The following PCP4 variants were observed in gnomAD, a reference collection of about 807,000 sequenced individuals.
PCP4 encodes calmodulin regulator protein PCP4.
Under a neutral mutation model 10.0 loss-of-function variants are expected in PCP4, and 8 were observed. The observed-to-expected ratio is 0.80, with a 90% confidence interval of 0.47 to 1.45. PCP4 has a LOEUF of 1.45. Ranked by LOEUF, PCP4 falls within the 40% of genes most tolerant of loss-of-function variation. The pLI is 0.00. For missense variants in PCP4, 54 were observed against 74.4 expected (o/e 0.73, Z 1.01); for synonymous variants, 21 against 23.0 (o/e 0.91, Z 0.24).
At chr21:39,918,023 G>A (rs918066657) in intron 2 of PCP4, among the ~76,000 whole-genome samples, 3 of 152,116 alleles carry the variant, frequency 2.0e-5, no homozygotes, top group African/African-American at 7.2e-5. Context: ...GAGGTCTTAG[G>A]AGGAACCTGC....
chr21:39,885,888 G>A (rs934928416), intron 1 of PCP4, among the ~76,000 whole-genome samples: 11 of 152,232 alleles, frequency 7.2e-5, no homozygotes, highest in Admixed American at 7.2e-4. Context: ...TTCTCTTATA[G>A]TTCTGGAGAC....
intron 2 of PCP4, among the ~76,000 whole-genome samples, chr21:39,926,564 G>C (rs2087622254): frequency 6.6e-6 from 1 of 152,130 alleles, no homozygotes; most frequent in African/African-American, 2.4e-5. Context: ...GGGAGTAGAA[G>C]GATTTGGGAC....
chr21:39,893,250 A>G (rs894928961), intron 1 of PCP4, among the ~76,000 whole-genome samples: 12 of 152,312 alleles, frequency 7.9e-5, no homozygotes, highest in African/African-American at 2.6e-4. Flanking sequence ...ACTTTCCTGC[A>G]GATCTTGGTG....
chr21:39,915,722 T>C (rs1254563991), intron 2 of PCP4, among the ~76,000 whole-genome samples: 1 of 152,076 alleles, frequency 6.6e-6, no homozygotes, highest in East Asian at 1.9e-4. Context: ...AGGGAAAAAA[T>C]GGGCAAGGGG....
intron 1 of PCP4, among the ~76,000 whole-genome samples, chr21:39,888,895 TA>T (rs2087414807): frequency 6.6e-6 from 1 of 152,226 alleles, no homozygotes; most frequent in Non-Finnish European, 1.5e-5. Context: ...TGCACATTGG[TA>T]AAGGTACCTA....
chr21:39,929,123 C>T lies in PCP4; in HGVS notation c.*12C>T, dbSNP rs752493874. ...GGTCTCAGTCCTAGTGGGAGAACCC[C>T]CTCCTAGTCCACCTGAAAACACCAA... On this transcript the variant is annotated 3_prime_UTR_variant, in exon 3 of 3. Coordinates refer to ENST00000328619, the MANE Select transcript of PCP4 (RefSeq NM_006198.3). 11 of 1,602,702 alleles carry T rather than the reference C, an allele frequency of 6.9e-6. No homozygotes were observed. Among genetic ancestry groups the T allele is most frequent in the South Asian group, 1.1e-5 (1 of 89,110 alleles).
At chr21:39,918,729 C>T (rs928277449) in intron 2 of PCP4, among the ~76,000 whole-genome samples, 10 of 152,148 alleles carry the variant, frequency 6.6e-5, no homozygotes, top group African/African-American at 2.4e-4. Context: ...TTCTCCGCAC[C>T]AGCAGCCCCC....
intron 1 of PCP4, among the ~76,000 whole-genome samples, chr21:39,875,034 T>C (rs973671337): frequency 6.6e-6 from 1 of 152,210 alleles, no homozygotes; most frequent in Non-Finnish European, 1.5e-5. Flanking sequence ...TTTCTGGGAT[T>C]TTCCATTGAA....
chr21:39,893,380 T>A (rs2087442395), intron 1 of PCP4, among the ~76,000 whole-genome samples: 1 of 152,224 alleles, frequency 6.6e-6, no homozygotes, highest in Non-Finnish European at 1.5e-5. Flanking sequence ...TGCACAAGGA[T>A]CTTCATATAC....
chr21:39,910,983 C>T (rs16998883), intron 2 of PCP4, among the ~76,000 whole-genome samples: 24,252 of 152,188 alleles, frequency 0.16, 2,075 homozygotes, highest in East Asian at 0.24. Flanking sequence ...CATTGTACGA[C>T]GACATTGTCT....
At chr21:39,877,037 A>C (rs2087349815) in intron 1 of PCP4, among the ~76,000 whole-genome samples, 2 of 152,226 alleles carry the variant, frequency 1.3e-5, no homozygotes, top group Non-Finnish European at 2.9e-5. Context: ...TCCAACGATG[A>C]ATCTTGTGCA....
In PCP4 at chr21:39,914,681, A is replaced by G. The variant is rs148633583; in HGVS notation, c.62-14303A>G. Among the ~76,000 whole-genome samples the G allele has an allele frequency of 2.4e-4, 37 of 152,230 alleles. No individual in the cohort carries two copies. The East Asian group carries it at 6.2e-3, about 25-fold the overall frequency. On this transcript the variant is annotated intron_variant, in intron 2 of 2. Transcript: ENST00000328619. Reference sequence around the variant, plus strand: ...TGGGTTCAAGTGAGGTTCTTATATTAATTAGGCTAATTGATGTTCCTTTGA... The same window carrying G: ...TGGGTTCAAGTGAGGTTCTTATATTGATTAGGCTAATTGATGTTCCTTTGA...
intron 2 of PCP4, among the ~76,000 whole-genome samples, chr21:39,909,539 G>A (rs2299776): frequency 0.25 from 37,688 of 152,010 alleles, 4,812 homozygotes; most frequent in South Asian, 0.38. Context: ...TTCTGTTCCA[G>A]TTGCCATTTC....
At chr21:39,887,594 A>T (rs1255079172) in intron 1 of PCP4, among the ~76,000 whole-genome samples, 2 of 152,156 alleles carry the variant, frequency 1.3e-5, no homozygotes, top group Non-Finnish European at 2.9e-5. Context: ...GCCTTTGATG[A>T]TAGGTCTTCA....
intron 2 of PCP4, among the ~76,000 whole-genome samples, chr21:39,910,180 A>T (rs947308984): frequency 6.6e-6 from 1 of 152,206 alleles, no homozygotes; most frequent in Non-Finnish European, 1.5e-5. Context: ...GTCTCCTCGG[A>T]TGTCAGAGAG....
intron 1 of PCP4, among the ~76,000 whole-genome samples, chr21:39,869,760 C>T (rs969083391): frequency 6.6e-6 from 1 of 152,214 alleles, no homozygotes; most frequent in African/African-American, 2.4e-5. Context: ...ACTCGATTCC[C>T]CCTTCATGGC....
In PCP4 at chr21:39,926,232, T is replaced by G. The variant is rs1204462724; in HGVS notation, c.62-2752T>G. 9.8e-6 allele frequency: 3 copies of G among 305,278 alleles called. No homozygotes were observed. In the East Asian group the frequency reaches 2.5e-4, roughly 25 times the overall value. 18.9% of individuals were successfully genotyped at this position (305,278 alleles called of 1,614,324 possible). On this transcript the variant is annotated intron_variant, in intron 2 of 2. Coordinates refer to ENST00000328619, the MANE Select transcript of PCP4 (RefSeq NM_006198.3). ...TTTAAACAATGTAATATTTTTCAAATGAGGAATCAATCAGTCACTTTTGGC... is the reference window on the plus strand; with the variant it reads ...TTTAAACAATGTAATATTTTTCAAAGGAGGAATCAATCAGTCACTTTTGGC...
intron 2 of PCP4, among the ~76,000 whole-genome samples, chr21:39,907,831 C>T (rs8127672): frequency 0.038 from 5,735 of 152,064 alleles, 362 homozygotes; most frequent in African/African-American, 0.13. Context: ...CACTTCTACC[C>T]GTTGGACTTT....
chr21:39,905,774 C>T (rs1022782893), intron 2 of PCP4, among the ~76,000 whole-genome samples: 4 of 152,096 alleles, frequency 2.6e-5, no homozygotes, highest in Non-Finnish European at 4.4e-5. Flanking sequence ...TGTGGCCGGG[C>T]ACGGTGGATC....
Sources: allele counts gnomAD v4.1 joint callset (sites outside exome capture counted in the v4.1 genomes callset), GRCh38; gene constraint gnomAD v4.1.1; transcripts MANE v1.5; gene names NCBI Gene and HGNC (gene_info 2026-07-23, HGNC 2026-07-21).